GNAO1: variants seen among roughly 807,000 people sequenced by gnomAD.
GNAO1 encodes guanine nucleotide-binding protein G(o) subunit alpha.
For missense variants in GNAO1, 166 were observed against 478.7 expected, an observed-to-expected ratio of 0.35 and a Z score of 6.10; for synonymous variants, 164 against 180.7, an observed-to-expected ratio of 0.91 and a Z score of 0.74.
chr16:56,206,553 G>T (rs2036331076), intron 2 of GNAO1, among the ~76,000 whole-genome samples: 1 of 152,116 alleles, frequency 6.6e-6, no homozygotes, highest in Admixed American at 6.5e-5. Context: ...TTGCAAAGGG[G>T]CACAAGGGAA....
chr16:56,218,973 A>AGC (rs2036460073), intron 2 of GNAO1, among the ~76,000 whole-genome samples: 1 of 152,146 alleles, frequency 6.6e-6, no homozygotes, highest in African/African-American at 2.4e-5. Flanking sequence ...CACATTTTTT[A>AGC]AAATGTGAAA....
At chr16:56,247,638 C>A (rs1303302004) in intron 2 of GNAO1, among the ~76,000 whole-genome samples, 6 of 152,130 alleles carry the variant, frequency 3.9e-5, no homozygotes, top group Non-Finnish European at 5.9e-5. Context: ...ATGGATTGAA[C>A]AGTCCTCCCC....
At chr16:56,239,405 CT>C (rs1208574351) in intron 2 of GNAO1, among the ~76,000 whole-genome samples, 2 of 152,196 alleles carry the variant, frequency 1.3e-5, no homozygotes, top group African/African-American at 2.4e-5. Context: ...TAAAAGGCCA[CT>C]TGGGTCACTG....
chr16:56,344,638 C>T (rs1361567518), intron 6 of GNAO1: 6 of 985,486 alleles, frequency 6.1e-6, no homozygotes, highest in Non-Finnish European at 7.2e-6. Flanking sequence ...TAGATGGTGG[C>T]GTGGAGCGGG....
intron 3 of GNAO1, among the ~76,000 whole-genome samples, chr16:56,308,969 TC>T (rs2037427212): frequency 6.6e-6 from 1 of 152,102 alleles, no homozygotes; most frequent in Non-Finnish European, 1.5e-5. Context: ...GTACAGACTT[TC>T]CTTTTGGGGT....
chr16:56,207,950 A>G (rs1441865254), intron 2 of GNAO1, among the ~76,000 whole-genome samples: 1 of 152,172 alleles, frequency 6.6e-6, no homozygotes, highest in Non-Finnish European at 1.5e-5. Flanking sequence ...ATGTCCCTAA[A>G]TATCCCTTTT....
In GNAO1 at chr16:56,213,910, G is replaced by A. The variant is rs932885851; in HGVS notation, c.161+21294G>A. ...GTGTGGTCTCACTAAAGACAGGGGC[G>A]GGAAAGAAATCCCCATCACAGACTC... On this transcript the variant is annotated intron_variant, in intron 2 of 8. Coordinates refer to ENST00000262493, the MANE Select transcript of GNAO1 (RefSeq NM_020988.3). Among the ~76,000 whole-genome samples the A allele has an allele frequency of 7.9e-5, 12 of 152,186 alleles. No homozygotes were observed. The East Asian group carries it at 1.2e-3, about 15-fold the overall frequency.
intron 2 of GNAO1, chr16:56,245,674 T>C (rs1257562359): frequency 6.5e-6 from 1 of 154,500 alleles, no homozygotes; most frequent in Non-Finnish European, 1.5e-5. Context: ...AATTCTTGGG[T>C]ACAAGAAGCC....
At chr16:56,328,829 A>G (rs2037661497) in intron 4 of GNAO1, 38 bp downstream of exon 4, 7 of 1,605,202 alleles carry the variant, frequency 4.4e-6, no homozygotes, top group Non-Finnish European at 5.1e-6. Flanking sequence ...GGAGCCGGGC[A>G]GTGATGCGGG....
intron 6 of GNAO1, among the ~76,000 whole-genome samples, chr16:56,337,272 T>A (rs1224994855): frequency 6.6e-6 from 1 of 152,236 alleles, no homozygotes; most frequent in African/African-American, 2.4e-5. Flanking sequence ...TGGCGTCAGA[T>A]GCTGCTGAAG....
chr16:56,289,033 A>AGG (rs1555504866), intron 3 of GNAO1, among the ~76,000 whole-genome samples: 168 of 136,060 alleles, frequency 1.2e-3, no homozygotes, highest in African/African-American at 4.1e-3. Context: ...TATCCAAAAA[A>AGG]GGGGGGGGGA....
At chr16:56,260,041 T>G (rs1480091923) in intron 2 of GNAO1, among the ~76,000 whole-genome samples, 1 of 152,204 alleles carries the variant, frequency 6.6e-6, no homozygotes, top group African/African-American at 2.4e-5. Context: ...ATTAACCAGT[T>G]TCTTCATCTT....
At chr16:56,289,223 G>A (rs1406383538) in intron 3 of GNAO1, among the ~76,000 whole-genome samples, 1 of 152,186 alleles carries the variant, frequency 6.6e-6, no homozygotes, top group Non-Finnish European at 1.5e-5. Flanking sequence ...TGGGCCACTT[G>A]CCCCACAGTA....
At position 56,351,935 on chromosome 16, in the gene GNAO1, G is replaced by A. The variant is rs997251549; in HGVS notation, c.877+398G>A. Reference sequence around the variant, plus strand: ...CCCCACAGCACCTTTGCATGAAACCGAAAAGTGGACACGTGGCCTGTGAAC... The same window carrying A: ...CCCCACAGCACCTTTGCATGAAACCAAAAAGTGGACACGTGGCCTGTGAAC... On this transcript the variant is annotated intron_variant, in intron 7 of 8. Transcript: ENST00000262493. The surrounding 1 kb of genome is among the most constrained non-coding windows in gnomAD (Gnocchi z 6.1). 9 of 180,112 alleles carry A rather than the reference G, an allele frequency of 5.0e-5. No individual in the cohort carries two copies. Among genetic ancestry groups the A allele is most frequent in the Admixed American group, 1.2e-4 (2 of 17,240 alleles). 11.2% of individuals were successfully genotyped at this position (180,112 alleles called of 1,614,324 possible).
At chr16:56,232,738 A>G (rs2143401669) in intron 2 of GNAO1, among the ~76,000 whole-genome samples, 1 of 152,340 alleles carries the variant, frequency 6.6e-6, no homozygotes, top group South Asian at 2.1e-4. Context: ...TCAGTATAAA[A>G]TACGTTGGAA....
chr16:56,303,890 G>C (rs148761399), intron 3 of GNAO1, among the ~76,000 whole-genome samples: 1 of 152,144 alleles, frequency 6.6e-6, no homozygotes, highest in Non-Finnish European at 1.5e-5. Flanking sequence ...TACCCAATGC[G>C]ACACCCTCAT....
chr16:56,350,520 G>T (rs1393607987), intron 6 of GNAO1, among the ~76,000 whole-genome samples: 1 of 152,216 alleles, frequency 6.6e-6, no homozygotes, highest in African/African-American at 2.4e-5. Context: ...CCCCCGTTCG[G>T]CATCTGTGGG....
chr16:56,255,322 T>C (rs918968517), intron 2 of GNAO1, among the ~76,000 whole-genome samples: 15 of 152,220 alleles, frequency 9.9e-5, no homozygotes, highest in Non-Finnish European at 4.4e-5. Flanking sequence ...GTTTGTTGCT[T>C]TAAGTATTTT....
chr16:56,349,764 G>A (rs1048103741), intron 6 of GNAO1, among the ~76,000 whole-genome samples: 28 of 152,140 alleles, frequency 1.8e-4, no homozygotes, highest in African/African-American at 5.3e-4. Context: ...GCTGCCCTCC[G>A]CCGACCAACT....
Sources: allele counts gnomAD v4.1 joint callset (sites outside exome capture counted in the v4.1 genomes callset), GRCh38; gene constraint gnomAD v4.1.1; non-coding constraint Gnocchi (gnomAD v3.1); transcripts MANE v1.5; gene names NCBI Gene and HGNC (gene_info 2026-07-23, HGNC 2026-07-21).